The following COL25A1 variants were observed in gnomAD, a reference collection of about 807,000 sequenced individuals.
COL25A1 encodes the protein collagen type XXV alpha 1 chain.
Under a neutral mutation model 128.4 loss-of-function variants are expected in COL25A1, and 103 were observed. The ratio of observed to expected loss-of-function variants is 0.80; its 90% CI spans 0.68 to 0.94. COL25A1 has a LOEUF of 0.94. Among genes scored for constraint, COL25A1 ranks in the 40% least tolerant of loss-of-function variants. COL25A1 has a pLI of 0.00. For synonymous variants in COL25A1, 279 were observed against 277.2 expected (o/e 1.01, Z -0.06); for missense variants, 745 against 840.0 (o/e 0.89, Z 1.40).
At chr4:109,186,098 C>G (rs1775106260) in intron 3 of COL25A1, among the ~76,000 whole-genome samples, 1 of 151,976 alleles carries the variant, frequency 6.6e-6, no homozygotes, top group Middle Eastern at 3.2e-3. Context: ...TTGCCAGGAC[C>G]TTTTGTCATT....
At chr4:109,230,052 C>T (rs931727425) in intron 3 of COL25A1, among the ~76,000 whole-genome samples, 1 of 152,048 alleles carries the variant, frequency 6.6e-6, no homozygotes, top group Non-Finnish European at 1.5e-5. Flanking sequence ...AACCATACTT[C>T]GTGAAAACTC....
chr4:108,956,976 C>T (rs909525738), intron 8 of COL25A1, among the ~76,000 whole-genome samples: 1 of 151,984 alleles, frequency 6.6e-6, no homozygotes, highest in Non-Finnish European at 1.5e-5. Flanking sequence ...AATTGAGGAG[C>T]TAATAGTAAC....
chr4:109,172,914 T>C (rs941251513), intron 3 of COL25A1, among the ~76,000 whole-genome samples: 5 of 152,206 alleles, frequency 3.3e-5, no homozygotes, highest in African/African-American at 1.2e-4. Context: ...TGAGATGTTA[T>C]ACAAATACTA....
intron 3 of COL25A1, among the ~76,000 whole-genome samples, chr4:109,262,851 C>T (rs943653055): frequency 2.0e-5 from 3 of 151,988 alleles, no homozygotes; most frequent in East Asian, 1.9e-4. Flanking sequence ...CCTTTCAGGC[C>T]GAGTGCAGTG....
chr4:108,950,218 T>G (rs1749249228), intron 8 of COL25A1, among the ~76,000 whole-genome samples: 2 of 151,934 alleles, frequency 1.3e-5, no homozygotes, highest in African/African-American at 4.8e-5. Flanking sequence ...CAATGAAAAA[T>G]ACCTAGAAAG....
At chr4:108,845,021 G>C (rs10015534) in intron 29 of COL25A1, among the ~76,000 whole-genome samples, 168 bp downstream of exon 29, 138,012 of 152,248 alleles carry the variant, frequency 0.91, 62,677 homozygotes, top group East Asian at 1. Flanking sequence ...TATACTTTGT[G>C]TATCACTGTG....
chr4:108,879,731 G>A (rs559595175), intron 19 of COL25A1, among the ~76,000 whole-genome samples: 1 of 152,068 alleles, frequency 6.6e-6, no homozygotes, highest in South Asian at 2.1e-4. Context: ...ACAGGCGTGA[G>A]CCACCGTGCC....
chr4:109,047,153 A>G (rs1460073586), intron 5 of COL25A1, among the ~76,000 whole-genome samples: 1 of 152,206 alleles, frequency 6.6e-6, no homozygotes. Context: ...GTCCAAGCTC[A>G]CTGGGGGTAT....
chr4:109,159,212 T>C (rs935094059), intron 3 of COL25A1, among the ~76,000 whole-genome samples: 2 of 148,262 alleles, frequency 1.3e-5, no homozygotes, highest in Non-Finnish European at 3.0e-5. Context: ...AAAAAGAAAA[T>C]GGCAAGAATA....
intron 5 of COL25A1, chr4:109,021,676 G>T (rs1026205990): frequency 1.3e-5 from 6 of 449,320 alleles, no homozygotes; most frequent in African/African-American, 1.2e-4. Context: ...TTCTTGCAGA[G>T]AGCCTATAAA....
At position 109,220,579 on chromosome 4, in the gene COL25A1, T is replaced by C. The variant is rs943393845; in HGVS notation, c.367+80004A>G. On this transcript the variant is annotated intron_variant, in intron 3 of 37. Transcript: ENST00000399132. ...AATGATATGTTTAATATTGTATACA[T>C]AGCAGTATTTTAACAGTAGAATTAT... 4.7e-4 allele frequency among the ~76,000 whole-genome samples: 71 copies of C among 152,194 alleles called. 1 individual carries two copies. Among genetic ancestry groups the C allele is most frequent in the Non-Finnish European group, 9.1e-4 (62 of 68,022 alleles).
intron 15 of COL25A1, 125 bp downstream of exon 15, chr4:108,899,029 A>G: frequency 1.3e-6 from 1 of 756,080 alleles, no homozygotes; most frequent in Non-Finnish European, 2.2e-6. Flanking sequence ...CTACCTACCT[A>G]TTAATCTACC....
At chr4:109,109,652 G>C (rs896241632) in intron 3 of COL25A1, among the ~76,000 whole-genome samples, 3 of 152,180 alleles carry the variant, frequency 2.0e-5, no homozygotes, top group African/African-American at 7.2e-5. Flanking sequence ...TTGTCACCAG[G>C]TGCTCTGTGC....
At chr4:108,899,315 G>A in intron 14 of COL25A1, 135 bp from the exon 15 acceptor site, 1 of 676,688 alleles carries the variant, frequency 1.5e-6, no homozygotes, top group Non-Finnish European at 2.4e-6. Context: ...ACATGCAGTT[G>A]CTATATGAAA....
At chr4:108,933,873 C>CACAT (rs1747072675) in intron 11 of COL25A1, among the ~76,000 whole-genome samples, 2 of 151,722 alleles carry the variant, frequency 1.3e-5, no homozygotes, top group Non-Finnish European at 2.9e-5. Flanking sequence ...CACACACACA[C>CACAT]ACACAATGTG....
intron 3 of COL25A1, among the ~76,000 whole-genome samples, chr4:109,239,420 A>G (rs28692747): frequency 0.066 from 8,202 of 124,112 alleles, 382 homozygotes; most frequent in African/African-American, 0.12. Context: ...ATATATATAT[A>G]TATTTATTTA....
intron 6 of COL25A1, among the ~76,000 whole-genome samples, chr4:108,982,412 T>C (rs1560969003): frequency 6.6e-6 from 1 of 152,180 alleles, no homozygotes; most frequent in Non-Finnish European, 1.5e-5. Context: ...TAAAATAGAC[T>C]AAACGTCAGG....
intron 19 of COL25A1, among the ~76,000 whole-genome samples, chr4:108,871,862 T>G (rs755203645): frequency 1.5e-4 from 23 of 152,270 alleles, no homozygotes; most frequent in South Asian, 4.2e-4. Flanking sequence ...TTAATTATTG[T>G]TCCCTTTTTT....
At chr4:108,951,650 CGT>C (rs1749451617) in intron 8 of COL25A1, among the ~76,000 whole-genome samples, 1 of 152,120 alleles carries the variant, frequency 6.6e-6, no homozygotes, top group South Asian at 2.1e-4. Context: ...CCTCCTAAAG[CGT>C]TGGGATTACA....
Sources: gnomAD v4.1 joint callset for allele counts (sites outside exome capture counted in the v4.1 genomes callset) on GRCh38, gnomAD v4.1.1 for gene constraint, MANE v1.5 for transcripts, NCBI Gene and HGNC (gene_info 2026-07-23, HGNC 2026-07-21) for gene names.